PPP6C: variants seen among roughly 807,000 people sequenced by gnomAD.
PPP6C encodes the protein serine/threonine-protein phosphatase 6 catalytic subunit.
PPP6C carries 11 observed loss-of-function variants against 39.8 expected under a neutral mutation model. That is an observed-to-expected ratio of 0.28 (90% confidence interval 0.17 to 0.46). PPP6C has a LOEUF of 0.46. Among genes scored for constraint, PPP6C ranks in the 20% least tolerant of loss-of-function variants. The probability of loss-of-function intolerance (pLI) is 1.00; values close to 1 mark genes in which losing one functional copy is unlikely to be tolerated. For synonymous variants in PPP6C, 129 were observed against 130.3 expected, an observed-to-expected ratio of 0.99 and a Z score of 0.07; for missense variants, 211 against 373.9, an observed-to-expected ratio of 0.56 and a Z score of 3.59.
chr9:125,183,375 C>A (rs990446016), intron 1 of PPP6C, among the ~76,000 whole-genome samples: 5 of 152,222 alleles, frequency 3.3e-5, no homozygotes, highest in African/African-American at 1.2e-4. Context: ...TTCCCAAACA[C>A]CAAATACCAT....
At chr9:125,157,879 A>C (rs2416953) in intron 4 of PPP6C, among the ~76,000 whole-genome samples, 71,822 of 151,560 alleles carry the variant, frequency 0.47, 17,446 homozygotes, top group East Asian at 0.61. Flanking sequence ...TTAGAAGAGA[A>C]GGGGTTTCAC....
chr9:125,151,754 T>C (rs1161000787), intron 6 of PPP6C, among the ~76,000 whole-genome samples: 3 of 152,184 alleles, frequency 2.0e-5, no homozygotes, highest in Non-Finnish European at 4.4e-5. Flanking sequence ...GAAAGAAGGA[T>C]TGAGATTAAC....
At chr9:125,156,311 T>A (rs1836073412) in intron 4 of PPP6C, among the ~76,000 whole-genome samples, 1 of 152,252 alleles carries the variant, frequency 6.6e-6, no homozygotes, top group African/African-American at 2.4e-5. Context: ...AGCCTCACTG[T>A]CATCCAGGCT....
intron 1 of PPP6C, among the ~76,000 whole-genome samples, chr9:125,175,173 C>T (rs1829269163): frequency 6.6e-6 from 1 of 151,908 alleles, no homozygotes; most frequent in East Asian, 1.9e-4. Flanking sequence ...CGCCATTGCA[C>T]TCCAGCCTGG....
chr9:125,163,443 G>GT (rs1465092492), intron 2 of PPP6C, among the ~76,000 whole-genome samples: 2 of 151,832 alleles, frequency 1.3e-5, no homozygotes, highest in African/African-American at 2.4e-5. Flanking sequence ...GTTTTGTTTT[G>GT]TTTTTTTGAG....
chr9:125,158,144 A>G, intron 4 of PPP6C, 97 bp downstream of exon 4: 1 of 1,259,256 alleles, frequency 7.9e-7, no homozygotes, highest in Non-Finnish European at 1.1e-6. Flanking sequence ...ATGTGGGGAA[A>G]ATAATATACA....
In PPP6C at chr9:125,189,704, G is replaced by C; in HGVS notation, c.15C>G (p.Asp5Glu). The C allele has an allele frequency of 4.4e-6, 7 of 1,595,398 alleles. No homozygotes were observed. Among genetic ancestry groups the C allele is most frequent in the Non-Finnish European group, 6.0e-6 (7 of 1,173,650 alleles). Residue 5 changes from aspartate to glutamate, a missense_variant, in exon 1 of 7, where the codon GAC becomes GAG. Physicochemically the swap from Asp to Glu is conservative, Grantham distance 45. Around this residue, in one of 2 missense-constraint regions of PPP6C, gnomAD observed 43 missense variants for 31.3 expected, o/e 1.38. Coordinates refer to ENST00000373547, the MANE Select transcript of PPP6C (RefSeq NM_002721.5). ...GCGCTATTTCCACATACTTGTCCAGGTCTAGCGGCGCCATTTTAAGAATAA... is the reference window on the plus strand; with the variant it reads ...GCGCTATTTCCACATACTTGTCCAGCTCTAGCGGCGCCATTTTAAGAATAA... The part of the protein sequence containing the change: MAPL[D>E]LDKYVEIARL...
At chr9:125,151,006 G>C in intron 6 of PPP6C, 2 of 1,370,464 alleles carry the variant, frequency 1.5e-6, no homozygotes, top group Non-Finnish European at 2.1e-6. Context: ...GGCAGGCGCA[G>C]ATCATATTAT....
In PPP6C at chr9:125,181,291, G is replaced by A. The variant is rs571283474; in HGVS notation, c.75+8353C>T. 2.7e-4 allele frequency among the ~76,000 whole-genome samples: 41 copies of A among 151,912 alleles called. 1 individual carries two copies. The South Asian group carries it at 7.7e-3, about 29-fold the overall frequency. On this transcript the variant is annotated intron_variant, in intron 1 of 6. Coordinates refer to ENST00000373547, the MANE Select transcript of PPP6C (RefSeq NM_002721.5). Reference sequence around the variant, plus strand: ...TAAACTATACCCCTTTCTCCTCATCGTGCCCAAATATTTTTTCTTTCTTTT... The same window carrying A: ...TAAACTATACCCCTTTCTCCTCATCATGCCCAAATATTTTTTCTTTCTTTT...
chr9:125,188,511 C>T (rs916060237), intron 1 of PPP6C, among the ~76,000 whole-genome samples: 7 of 152,052 alleles, frequency 4.6e-5, no homozygotes, highest in Admixed American at 2.0e-4. Flanking sequence ...CCTAGGCCGG[C>T]GCGGTGGCTC....
intron 1 of PPP6C, among the ~76,000 whole-genome samples, chr9:125,184,487 T>C (rs1216790800): frequency 1.3e-5 from 2 of 150,058 alleles, no homozygotes; most frequent in Non-Finnish European, 3.0e-5. Context: ...AGCCCAGGAG[T>C]TTGAGGTTGC....
At chr9:125,164,216 C>CTTTTTTTTT (rs1307179998) in intron 2 of PPP6C, among the ~76,000 whole-genome samples, 1 of 119,708 alleles carries the variant, frequency 8.4e-6, no homozygotes, top group Non-Finnish European at 1.8e-5. Flanking sequence ...CTCCCTCACT[C>CTTTTTTTTT]TCTTTTTTTT....
chr9:125,149,541 T>G lies in PPP6C; in HGVS notation c.*132A>C. 9.0e-7 allele frequency: 1 copy of G among 1,115,134 alleles called. No homozygotes were observed. Among genetic ancestry groups the G allele is most frequent in the Non-Finnish European group, 1.2e-6 (1 of 802,660 alleles). The allele number at this position is 1,115,134 out of a possible 1,614,324, so 69.1% of individuals were successfully genotyped here. On this transcript the variant is annotated 3_prime_UTR_variant, in exon 7 of 7. Coordinates refer to ENST00000373547, the MANE Select transcript of PPP6C (RefSeq NM_002721.5). ...ACAATAAATTTAGATAATTTAAAAT[T>G]TAAAAAAAAAAAGGCAAGAGGCAGC...
At chr9:125,159,174 G>T (rs1242332910) in intron 3 of PPP6C, among the ~76,000 whole-genome samples, 1 of 150,054 alleles carries the variant, frequency 6.7e-6, no homozygotes, top group African/African-American at 2.5e-5. Flanking sequence ...GAGTAGCTGG[G>T]ATTACAGGCA....
intron 1 of PPP6C, among the ~76,000 whole-genome samples, chr9:125,180,617 C>G (rs567889318): frequency 6.6e-6 from 1 of 152,276 alleles, no homozygotes; most frequent in African/African-American, 2.4e-5. Context: ...GACAGGGTTT[C>G]GCCATGTTGG....
chr9:125,183,270 G>A (rs1328284456), intron 1 of PPP6C, among the ~76,000 whole-genome samples: 1 of 151,984 alleles, frequency 6.6e-6, no homozygotes, highest in African/African-American at 2.4e-5. Flanking sequence ...TCCAATCCAT[G>A]GTCCACAATG....
At chr9:125,172,165 G>A (rs775898952) in intron 1 of PPP6C, among the ~76,000 whole-genome samples, 18 of 152,024 alleles carry the variant, frequency 1.2e-4, no homozygotes, top group Non-Finnish European at 2.2e-4. Flanking sequence ...TGAAACAACA[G>A]AAAACTGTCC....
rs569053127 is a variant in PPP6C at position 125,160,661 on chromosome 9, T to C, written c.237+180A>G. Among the ~76,000 whole-genome samples the C allele has an allele frequency of 2.6e-5, 4 of 152,346 alleles. No homozygotes were observed. In the South Asian group the frequency reaches 8.3e-4, roughly 32 times the overall value. On this transcript the variant is annotated intron_variant, in intron 3 of 6. Transcript: ENST00000373547. Reference sequence around the variant, plus strand: ...ACTGTTAAGTCCATTAAACCTCTTTTGTAAATTGCCCAGTCTCAGGTATGT... The same window carrying C: ...ACTGTTAAGTCCATTAAACCTCTTTCGTAAATTGCCCAGTCTCAGGTATGT...
chr9:125,184,677 C>T (rs1829488184), intron 1 of PPP6C, among the ~76,000 whole-genome samples: 1 of 151,790 alleles, frequency 6.6e-6, no homozygotes, highest in African/African-American at 2.4e-5. Flanking sequence ...TTGTGGAAAA[C>T]ACAAATAAGG....
Sources: allele counts gnomAD v4.1 joint callset (sites outside exome capture counted in the v4.1 genomes callset), GRCh38; gene constraint gnomAD v4.1.1; regional missense constraint gnomAD v4.1.1; transcripts MANE v1.5; gene names NCBI Gene and HGNC (gene_info 2026-07-23, HGNC 2026-07-21).